Variants in GPHN observed in about 807,000 individuals in gnomAD.
GPHN encodes gephyrin.
GPHN carries 17 observed loss-of-function variants against 95.5 expected under a neutral mutation model. That is an observed-to-expected ratio of 0.18 (90% CI 0.12 to 0.27). GPHN has a LOEUF of 0.27. Ranked by LOEUF, GPHN falls within the 10% of genes least tolerant of loss-of-function variation. GPHN has a pLI of 1.00. For synonymous variants in GPHN, 320 were observed against 322.5 expected, an observed-to-expected ratio of 0.99 and a Z score of 0.08; for missense variants, 660 against 978.1, an observed-to-expected ratio of 0.67 and a Z score of 4.34.
At chr14:67,709,629 C>G in the GPHN span, among the ~76,000 whole-genome samples, 1 of 152,148 alleles carries the variant, frequency 6.6e-6, no homozygotes, top group Non-Finnish European at 1.5e-5. Flanking sequence ...GTCCCTGGGC[C>G]TTGAGGAGTT....
At chr14:67,227,866 A>G in the GPHN span, 1 of 152,192 alleles carries the variant, frequency 6.6e-6, no homozygotes, top group African/African-American at 2.4e-5. Context: ...AAAAACAACA[A>G]TTTTAAGAAA....
chr14:66,785,979 T>A (rs1164902461), intron 3 of GPHN, among the ~76,000 whole-genome samples: 5 of 152,082 alleles, frequency 3.3e-5, no homozygotes, highest in Admixed American at 3.3e-4. Context: ...ATCTAAGTTT[T>A]TTCCTCCAGA....
intron 2 of GPHN, among the ~76,000 whole-genome samples, chr14:66,683,715 C>T (rs1333973178): frequency 3.3e-5 from 5 of 151,340 alleles, no homozygotes; most frequent in Admixed American, 6.6e-5. Flanking sequence ...CAGTTTCTCA[C>T]GCCTGTAATC....
At chr14:67,277,747 A>G in the GPHN span, among the ~76,000 whole-genome samples, 1 of 152,166 alleles carries the variant, frequency 6.6e-6, no homozygotes, top group Non-Finnish European at 1.5e-5. Context: ...AAGATTTTTA[A>G]AATAGAATCA....
intron 1 of GPHN, among the ~76,000 whole-genome samples, chr14:66,657,020 C>T (rs2153370364): frequency 6.6e-6 from 1 of 152,276 alleles, no homozygotes; most frequent in South Asian, 2.1e-4. Flanking sequence ...AGGCCTCTCG[C>T]ACCAAACACT....
intron 3 of GPHN, among the ~76,000 whole-genome samples, chr14:66,807,598 A>G (rs929701751): frequency 1.3e-5 from 2 of 152,206 alleles, no homozygotes; most frequent in Admixed American, 1.3e-4. Flanking sequence ...TTTTCTCTTA[A>G]TAAGAATGTT....
chr14:66,610,131 A>C (rs987566379), intron 1 of GPHN, among the ~76,000 whole-genome samples: 1 of 152,006 alleles, frequency 6.6e-6, no homozygotes. Context: ...GAGGGCCAAG[A>C]CTCTGTACAG....
the GPHN span, among the ~76,000 whole-genome samples, chr14:67,611,410 C>T: frequency 6.6e-6 from 1 of 151,488 alleles, no homozygotes; most frequent in East Asian, 1.9e-4. Flanking sequence ...ACAGCCACCA[C>T]ATCTGGCTAA....
Position 66,640,079 on chromosome 14 carries a change from GT to G in GPHN, c.65-41026del, listed in dbSNP as rs542471083. ...TAGGTGCAATGGATCATATTCTTTT[GT>G]TCATTCCTGAATTGATTTGTGTGTG... On this transcript the variant is annotated intron_variant, in intron 1 of 22. Transcript: ENST00000478722. Among the ~76,000 whole-genome samples, 456 of 152,230 alleles carry G rather than the reference GT, an allele frequency of 3.0e-3. 3 individuals are homozygous for G. Among genetic ancestry groups the G allele is most frequent in the African/African-American group, 0.011 (438 of 41,550 alleles).
intron 6 of GPHN, among the ~76,000 whole-genome samples, chr14:66,916,477 A>AG (rs1323393519): frequency 1.7e-5 from 2 of 119,922 alleles, no homozygotes; most frequent in African/African-American, 6.4e-5. Flanking sequence ...TGATGTCCAG[A>AG]GTTTTTTTTT....
chr14:67,677,197 A>C, the GPHN span: 1 of 152,150 alleles, frequency 6.6e-6, no homozygotes, highest in Non-Finnish European at 1.5e-5. Flanking sequence ...TTTGATAAGA[A>C]GTCTCCAAAT....
the GPHN span, among the ~76,000 whole-genome samples, chr14:67,229,660 A>C: frequency 6.6e-6 from 1 of 152,200 alleles, no homozygotes; most frequent in Non-Finnish European, 1.5e-5. Flanking sequence ...TTGAGAAAAA[A>C]AGAATGTAAA....
At chr14:66,576,433 G>C (rs1035974890) in intron 1 of GPHN, among the ~76,000 whole-genome samples, 1 of 151,634 alleles carries the variant, frequency 6.6e-6, no homozygotes, top group Non-Finnish European at 1.5e-5. Flanking sequence ...AATCATGTCT[G>C]AGCCACTTAT....
At chr14:66,957,664 T>A (rs2153582776) in intron 8 of GPHN, among the ~76,000 whole-genome samples, 1 of 152,282 alleles carries the variant, frequency 6.6e-6, no homozygotes, top group Middle Eastern at 3.4e-3. Context: ...TGGTATCAGA[T>A]ACAGTGTTCC....
At chr14:67,081,459 T>C (rs1171792881) in intron 11 of GPHN, among the ~76,000 whole-genome samples, 1 of 152,204 alleles carries the variant, frequency 6.6e-6, no homozygotes, top group Non-Finnish European at 1.5e-5. Context: ...AGTTTTTTCA[T>C]GCTAATTTGC....
the GPHN span, chr14:67,678,530 C>A: frequency 1.5e-6 from 1 of 679,104 alleles, no homozygotes; most frequent in Non-Finnish European, 2.6e-6. Flanking sequence ...ACATGTTCTC[C>A]ATGTACTTCA....
chr14:67,650,993 C>A, the GPHN span: 9 of 1,431,972 alleles, frequency 6.3e-6, no homozygotes, highest in African/African-American at 8.4e-5. Flanking sequence ...TAGATGAATA[C>A]TAAATGGTTG....
At chr14:67,420,806 T>C in the GPHN span, among the ~76,000 whole-genome samples, 4 of 152,238 alleles carry the variant, frequency 2.6e-5, no homozygotes, top group South Asian at 2.1e-4. Flanking sequence ...CATCTCTAAT[T>C]AAAGATCCCA....
At chr14:66,560,538 G>A (rs1173580326) in intron 1 of GPHN, among the ~76,000 whole-genome samples, 1 of 152,154 alleles carries the variant, frequency 6.6e-6, no homozygotes. Flanking sequence ...TTGGCTCTCT[G>A]TTTGTCTGTT....
Sources: allele counts gnomAD v4.1 joint callset (sites outside exome capture counted in the v4.1 genomes callset), GRCh38; gene constraint gnomAD v4.1.1; transcripts MANE v1.5; gene names NCBI Gene and HGNC (gene_info 2026-07-23, HGNC 2026-07-21).